Variants in NRG2 observed in about 807,000 individuals in gnomAD.
NRG2 encodes pro-neuregulin-2, membrane-bound isoform.
Under a neutral mutation model 73.9 loss-of-function variants are expected in NRG2, and 27 were observed. The observed-to-expected ratio is 0.37, with a 90% CI of 0.27 to 0.50. The LOEUF is 0.50. Among genes scored for constraint, NRG2 ranks in the 20% least tolerant of loss-of-function variants. NRG2 has a pLI of 0.96. For synonymous variants in NRG2, 532 were observed against 541.0 expected, an observed-to-expected ratio of 0.98 and a Z score of 0.23; for missense variants, 1,126 against 1,210.1, an observed-to-expected ratio of 0.93 and a Z score of 1.03.
chr5:140,032,480 AG>A (rs1269299913), intron 1 of NRG2, among the ~76,000 whole-genome samples: 2 of 152,252 alleles, frequency 1.3e-5, no homozygotes, highest in Non-Finnish European at 2.9e-5. Context: ...AAATGTCCAA[AG>A]GTACTTTCCA....
chr5:139,925,096 A>G (rs1751954020), intron 1 of NRG2, among the ~76,000 whole-genome samples: 2 of 152,198 alleles, frequency 1.3e-5, no homozygotes, highest in Admixed American at 1.3e-4. Flanking sequence ...TGTGAGGCTA[A>G]TAAACATATT....
chr5:140,008,363 T>G lies in NRG2; in HGVS notation c.700+34007A>C, dbSNP rs2126638529. Among the ~76,000 whole-genome samples, 1 of 152,354 alleles carries G rather than the reference T, an allele frequency of 6.6e-6. No individual in the cohort carries two copies. Among genetic ancestry groups the G allele is most frequent in the South Asian group, 2.1e-4 (1 of 4,824 alleles). On this transcript the variant is annotated intron_variant, in intron 1 of 9. Coordinates refer to ENST00000361474, the MANE Select transcript of NRG2 (RefSeq NM_004883.3). This position sits in a 1 kb window ranked among gnomAD's most constrained non-coding sequence, Gnocchi z 4.2. Reference sequence around the variant, plus strand: ...GATAGCTGACCACACAACTGTTTGCTGCATTTATTCAACAAATATTTATTG... The same window carrying G: ...GATAGCTGACCACACAACTGTTTGCGGCATTTATTCAACAAATATTTATTG...
At chr5:139,859,579 A>T (rs1302350317) in intron 5 of NRG2, among the ~76,000 whole-genome samples, 3 of 152,044 alleles carry the variant, frequency 2.0e-5, no homozygotes, top group African/African-American at 7.2e-5. Context: ...GCGGGTCTGC[A>T]CTCAGCTCAG....
chr5:139,939,911 A>G (rs1753258509), intron 1 of NRG2, among the ~76,000 whole-genome samples: 2 of 152,244 alleles, frequency 1.3e-5, no homozygotes. Context: ...CATGCAAATC[A>G]AACCAGTGAG....
chr5:140,009,089 T>C (rs1375555141), intron 1 of NRG2, among the ~76,000 whole-genome samples: 1 of 152,232 alleles, frequency 6.6e-6, no homozygotes, highest in African/African-American at 2.4e-5. Flanking sequence ...TAAAAGATCC[T>C]GGCAAAATGG....
At chr5:139,907,907 C>T (rs1765338801) in intron 1 of NRG2, among the ~76,000 whole-genome samples, 1 of 152,240 alleles carries the variant, frequency 6.6e-6, no homozygotes, top group African/African-American at 2.4e-5. Context: ...ACACGGAAAA[C>T]ACTTACGGGA....
At chr5:140,016,511 C>T (rs377199382) in intron 1 of NRG2, among the ~76,000 whole-genome samples, 77 of 152,304 alleles carry the variant, frequency 5.1e-4, no homozygotes, top group African/African-American at 1.7e-3. Context: ...GTGTCAACTA[C>T]GTGCCAGGCA....
intron 1 of NRG2, among the ~76,000 whole-genome samples, chr5:139,958,655 A>T (rs1221990096): frequency 6.6e-6 from 1 of 152,208 alleles, no homozygotes; most frequent in Admixed American, 6.5e-5. Context: ...AATAAAAAAA[A>T]TCCCCAAACC....
intron 1 of NRG2, among the ~76,000 whole-genome samples, chr5:140,034,803 C>T (rs531083733): frequency 1.1e-3 from 160 of 152,196 alleles, no homozygotes; most frequent in African/African-American, 3.6e-3. Flanking sequence ...CTAAATTTAA[C>T]GAAATATGTG....
Position 139,887,190 on chromosome 5 carries a change from G to C in NRG2, c.872+150C>G. 3.4e-6 allele frequency: 3 copies of C among 883,830 alleles called. No individual in the cohort carries two copies. The highest frequency in any genetic ancestry group is 3.2e-5 in the South Asian group (2 of 61,608). 54.7% of individuals were successfully genotyped at this position (883,830 alleles called of 1,614,324 possible). A position where few individuals can be genotyped will look rare whatever the true frequency, so the allele number is the denominator to read the frequency against. On this transcript the variant is annotated intron_variant, in intron 2 of 9. Coordinates refer to ENST00000361474, the MANE Select transcript of NRG2 (RefSeq NM_004883.3). The surrounding 1 kb of genome is among the most constrained non-coding windows in gnomAD (Gnocchi z 4.5). The stretch of plus-strand genomic sequence containing the variant: ...GAGCTGCAGGAAGAAGGCTGGGAGT[G>C]GCAAGGAAGGGGAGTATGGAGAGGG...
intron 1 of NRG2, among the ~76,000 whole-genome samples, chr5:139,916,838 A>C (rs1176308617): frequency 6.6e-6 from 1 of 152,240 alleles, no homozygotes; most frequent in Non-Finnish European, 1.5e-5. Context: ...TTCGGCTATT[A>C]CAAATAATAC....
At position 139,852,170 on chromosome 5, in the gene NRG2, G is replaced by A; in HGVS notation, c.1544+262C>T. The stretch of plus-strand genomic sequence containing the variant: ...CTATCTCAGAAGCCCAGCCCCAGGG[G>A]CCAGTATGTGAGGGCCCTGACTATT... On this transcript the variant is annotated intron_variant, in intron 8 of 9. Transcript: ENST00000361474. This position sits in a 1 kb window ranked among gnomAD's most constrained non-coding sequence, Gnocchi z 4.4. Among the ~76,000 whole-genome samples the A allele has an allele frequency of 6.6e-6, 1 of 152,144 alleles. No individual in the cohort carries two copies. Among genetic ancestry groups the A allele is most frequent in the Non-Finnish European group, 1.5e-5 (1 of 68,018 alleles).
intron 1 of NRG2, among the ~76,000 whole-genome samples, chr5:139,966,755 G>A (rs1755552550): frequency 6.6e-6 from 1 of 152,124 alleles, no homozygotes; most frequent in Admixed American, 6.5e-5. Context: ...TGGAGGGCCT[G>A]GGAAACTGTG....
chr5:139,898,894 A>T (rs1400886458), intron 1 of NRG2, among the ~76,000 whole-genome samples: 1 of 152,108 alleles, frequency 6.6e-6, no homozygotes, highest in African/African-American at 2.4e-5. Context: ...TCCTTAAGTG[A>T]CTTCTTCAAT....
In NRG2 at chr5:139,989,168, G is replaced by A. The variant is rs1292487011; in HGVS notation, c.700+53202C>T. On this transcript the variant is annotated intron_variant, in intron 1 of 9. Coordinates refer to ENST00000361474, the MANE Select transcript of NRG2 (RefSeq NM_004883.3). ...AATATTCCTTGCCTCCCACATCTAA[G>A]TCATCAGAGCAAGTTCTCCATTATC... is the stretch of plus-strand genomic sequence containing the variant. Among the ~76,000 whole-genome samples, 3 of 151,982 alleles carry A rather than the reference G, an allele frequency of 2.0e-5. No individual in the cohort carries two copies. The East Asian group carries it at 5.8e-4, about 29-fold the overall frequency.
chr5:139,997,265 GA>G (rs1371737875), intron 1 of NRG2, among the ~76,000 whole-genome samples: 21 of 152,106 alleles, frequency 1.4e-4, no homozygotes, highest in African/African-American at 5.1e-4. Flanking sequence ...TGAGGAACTA[GA>G]AAAAAACCCA....
In NRG2 at chr5:139,848,471, C is replaced by A; in HGVS notation, c.1999G>T (p.Gly667Cys). The change falls in exon 10 of 10, where the codon GGC becomes TGC. Residue 667 changes from glycine (G) to cysteine (C), a missense_variant. Transcript: ENST00000361474. ...TCATAGCTGCGCTGCATGTCTGCGC[C>A]GGGCCCGGGCCCGGGCCCGGGTCCG... ...GPGPGPGPGP[G>C]ADMQRSYDSY... The A allele has an allele frequency of 7.5e-7, 1 of 1,329,524 alleles. No homozygotes were observed. The highest frequency in any genetic ancestry group is 9.5e-7 in the Non-Finnish European group (1 of 1,055,018). 82.4% of individuals were successfully genotyped at this position (1,329,524 alleles called of 1,614,324 possible). A position where few individuals can be genotyped will look rare whatever the true frequency, so the allele number is the denominator to read the frequency against.
rs549819735 is a variant in NRG2 at position 140,038,732 on chromosome 5, T to A, written c.700+3638A>T. On this transcript the variant is annotated intron_variant, in intron 1 of 9. Transcript: ENST00000361474. ...GAAAGAAGACCTCAAAGATAAGCTA[T>A]TGTTCCTACCCCAAGAATGCAGTCT... Among the ~76,000 whole-genome samples, 382 of 152,306 alleles carry A rather than the reference T, an allele frequency of 2.5e-3. 2 individuals are homozygous for A. The highest frequency in any genetic ancestry group is 8.6e-3 in the African/African-American group (356 of 41,576).
chr5:139,900,219 G>A (rs546880514), intron 1 of NRG2, among the ~76,000 whole-genome samples: 27 of 152,292 alleles, frequency 1.8e-4, no homozygotes, highest in Non-Finnish European at 3.4e-4. Context: ...TTTATCTCTG[G>A]TCTTACCCTC....
Sources: allele counts gnomAD v4.1 joint callset (sites outside exome capture counted in the v4.1 genomes callset), GRCh38; gene constraint gnomAD v4.1.1; non-coding constraint Gnocchi (gnomAD v3.1); transcripts MANE v1.5; gene names NCBI Gene and HGNC (gene_info 2026-07-23, HGNC 2026-07-21).